The following PRRT1B variants were observed in gnomAD, a reference collection of about 807,000 sequenced individuals.
PRRT1B encodes proline rich transmembrane protein 1B, also known as dispanin subfamily D member 2.
At chr9:131,555,239 C>T (rs1951041294) in intron 2 of PRRT1B, among the ~76,000 whole-genome samples, 2 of 152,098 alleles carry the variant, frequency 1.3e-5, no homozygotes, top group South Asian at 2.1e-4. Flanking sequence ...CAGAGGACAC[C>T]GCACAGGCGT....
intron 1 of PRRT1B, among the ~76,000 whole-genome samples, chr9:131,546,719 T>C (rs958957229): frequency 6.8e-6 from 1 of 147,898 alleles, no homozygotes; most frequent in East Asian, 2.1e-4. Flanking sequence ...TGGCGGAGGC[T>C]CCGGTGTCAA....
intron 1 of PRRT1B, among the ~76,000 whole-genome samples, chr9:131,549,574 C>T (rs1047147456): frequency 1.3e-5 from 2 of 152,218 alleles, no homozygotes; most frequent in Non-Finnish European, 2.9e-5. Context: ...GCTGCCCGAT[C>T]GCCTCAGAAG....
chr9:131,546,684 G>C (rs1036419071), intron 1 of PRRT1B, among the ~76,000 whole-genome samples: 5 of 149,880 alleles, frequency 3.3e-5, no homozygotes, highest in African/African-American at 1.2e-4. Flanking sequence ...GGGGAGCCCG[G>C]ACCCCCCTTC....
intron 1 of PRRT1B, among the ~76,000 whole-genome samples, chr9:131,548,554 C>T (rs972962974): frequency 1.3e-5 from 2 of 152,166 alleles, no homozygotes; most frequent in Non-Finnish European, 2.9e-5. Context: ...TGCCTGACAT[C>T]CAGGCATTCT....
intron 2 of PRRT1B, among the ~76,000 whole-genome samples, chr9:131,555,850 T>A (rs1248350091): frequency 2.6e-5 from 4 of 151,780 alleles, no homozygotes; most frequent in Admixed American, 6.6e-5. Flanking sequence ...GACTGAGGGC[T>A]CAGTGGGACT....
intron 1 of PRRT1B, among the ~76,000 whole-genome samples, chr9:131,549,493 T>G (rs2132007291): frequency 6.6e-6 from 1 of 152,336 alleles, no homozygotes; most frequent in South Asian, 2.1e-4. Flanking sequence ...CCAGAGCCCC[T>G]GGAACTCTGG....
At chr9:131,546,306 G>A (rs545784918) in intron 1 of PRRT1B, among the ~76,000 whole-genome samples, 1 of 152,186 alleles carries the variant, frequency 6.6e-6, no homozygotes. Context: ...CGAGAGAGGT[G>A]GGGTGGGGGC....
chr9:131,556,520 A>G (rs1398097052), intron 3 of PRRT1B, among the ~76,000 whole-genome samples: 3 of 152,132 alleles, frequency 2.0e-5, no homozygotes, highest in Non-Finnish European at 4.4e-5. Flanking sequence ...AGGGGGTACA[A>G]TCTGCTCATT....
At position 131,551,924 on chromosome 9, in the gene PRRT1B, C is replaced by G. The variant is rs76409978; in HGVS notation, c.26-2633C>G. Among the ~76,000 whole-genome samples the G allele has an allele frequency of 6.6e-6, 1 of 152,040 alleles. No homozygotes were observed. The highest frequency in any genetic ancestry group is 1.5e-5 in the Non-Finnish European group (1 of 68,002). On this transcript the variant is annotated intron_variant, in intron 1 of 3. Transcript: ENST00000636672. The surrounding 1 kb of genome is among the most constrained non-coding windows in gnomAD (Gnocchi z 4.4). ...AAGCCTGTTTGGTGGTCTCTTCACA[C>G]GGACACGAGTGAAACCCGCCACCAC... is the stretch of plus-strand genomic sequence containing the variant.
intron 1 of PRRT1B, among the ~76,000 whole-genome samples, chr9:131,550,911 G>A (rs1181977447): frequency 5.8e-5 from 8 of 138,488 alleles, no homozygotes; most frequent in African/African-American, 1.6e-4. Flanking sequence ...TGTGTCTTCC[G>A]TTTAGTTTTT....
chr9:131,552,653 T>C (rs1205323641), intron 1 of PRRT1B, among the ~76,000 whole-genome samples: 2 of 144,700 alleles, frequency 1.4e-5, no homozygotes, highest in African/African-American at 2.8e-5. Context: ...CACATGCAGT[T>C]TGGGGGGGAG....
chr9:131,558,927 T>C (rs776936620), downstream of PRRT1B, among the ~76,000 whole-genome samples: 10 of 152,180 alleles, frequency 6.6e-5, no homozygotes, highest in Non-Finnish European at 1.2e-4. Context: ...CACTCCTCTC[T>C]GAGATGCTGT....
chr9:131,559,209 C>T (rs371554728), downstream of PRRT1B, among the ~76,000 whole-genome samples: 1 of 74,028 alleles, frequency 1.4e-5, no homozygotes, highest in Non-Finnish European at 2.6e-5. Flanking sequence ...TTTGGGAGGC[C>T]GAGGTGGGTG....
At chr9:131,554,782 C>T (rs1241547837) in exon 2 of PRRT1B, 25 of 333,354 alleles carry the variant, frequency 7.5e-5, no homozygotes, top group Non-Finnish European at 1.1e-4. Flanking sequence ...GCGGGCGAGG[C>T]CGGGCCGGTT....
intron 1 of PRRT1B, among the ~76,000 whole-genome samples, chr9:131,545,978 G>C (rs1950971765): frequency 6.6e-6 from 1 of 152,138 alleles, no homozygotes; most frequent in South Asian, 2.1e-4. Flanking sequence ...AGAATGCCCG[G>C]CCCAGGACAC....
chr9:131,552,002 A>G (rs1248402807), intron 1 of PRRT1B, among the ~76,000 whole-genome samples: 10 of 152,176 alleles, frequency 6.6e-5, no homozygotes, highest in Admixed American at 5.2e-4. Context: ...TGTGTTGGCC[A>G]GGCTGGTCTG....
intron 1 of PRRT1B, among the ~76,000 whole-genome samples, chr9:131,547,498 G>A (rs773884509): frequency 4.0e-5 from 6 of 151,782 alleles, no homozygotes; most frequent in Non-Finnish European, 4.4e-5. Flanking sequence ...CCTATAAAAC[G>A]GCCCCACCCC....
downstream of PRRT1B, among the ~76,000 whole-genome samples, chr9:131,559,368 G>A (rs894497951): frequency 2.0e-5 from 3 of 152,150 alleles, no homozygotes; most frequent in Admixed American, 6.5e-5. Context: ...GCTTGAATCC[G>A]GGAGGCAGAA....
At chr9:131,556,987 C>G (rs1360874837) in intron 3 of PRRT1B, among the ~76,000 whole-genome samples, 1 of 151,936 alleles carries the variant, frequency 6.6e-6, no homozygotes, top group Non-Finnish European at 1.5e-5. Context: ...CATCCATCTA[C>G]CATCCATCTA....
Sources: gnomAD v4.1 joint callset for allele counts (sites outside exome capture counted in the v4.1 genomes callset) on GRCh38, gnomAD v4.1.1 for gene constraint, Gnocchi (gnomAD v3.1) non-coding constraint, MANE v1.5 for transcripts, NCBI Gene and HGNC (gene_info 2026-07-23, HGNC 2026-07-21) for gene names.